Variants in FAM120B observed in about 807,000 individuals in gnomAD.
FAM120B encodes the protein constitutive coactivator of peroxisome proliferator-activated receptor gamma.
In FAM120B, 83 loss-of-function variants were observed where a neutral mutation model predicts 96.3. The observed-to-expected ratio is 0.86, with a 90% confidence interval of 0.72 to 1.03. FAM120B has a LOEUF of 1.03. FAM120B is among the 50% of genes least tolerant of loss of function. The probability of loss-of-function intolerance (pLI) is 0.00; values close to 1 mark genes in which losing one functional copy is unlikely to be tolerated. For missense variants in FAM120B, 1,027 were observed against 1,121.2 expected (o/e 0.92, Z 1.20); for synonymous variants, 407 against 402.7 (o/e 1.01, Z -0.13).
chr6:170,342,607 C>A (rs1786909498), intron 4 of FAM120B, among the ~76,000 whole-genome samples: 1 of 152,212 alleles, frequency 6.6e-6, no homozygotes, highest in Non-Finnish European at 1.5e-5. Context: ...GCCTTCAGAG[C>A]TTCCCACCAT....
intron 7 of FAM120B, 122 bp from the exon 8 acceptor site, chr6:170,390,891 A>G (rs886126998): frequency 1.4e-5 from 11 of 759,226 alleles, no homozygotes; most frequent in Non-Finnish European, 2.3e-5. Context: ...TGCAGCCACC[A>G]TTGCTGCCTC....
At chr6:170,295,262 A>T (rs1783969474), upstream of FAM120B, 7 of 619,980 alleles carry the variant, frequency 1.1e-5, no homozygotes, top group Non-Finnish European at 2.1e-5. The surrounding 1 kb of genome is among the most constrained non-coding windows in gnomAD (Gnocchi z 7.8). Context: ...ACACACACTC[A>T]CTGGGCCATG....
intron 6 of FAM120B, among the ~76,000 whole-genome samples, chr6:170,362,708 G>A (rs951352267): frequency 2.7e-5 from 4 of 149,238 alleles, no homozygotes; most frequent in African/African-American, 5.0e-5. Context: ...TTGAGACAAG[G>A]TCTGGCTCTG....
At chr6:170,387,300 T>A (rs1207014184) in intron 6 of FAM120B, among the ~76,000 whole-genome samples, 1 of 152,252 alleles carries the variant, frequency 6.6e-6, no homozygotes, top group Non-Finnish European at 1.5e-5. Flanking sequence ...TTCTTCTATT[T>A]TAGTAAGTGA....
intron 9 of FAM120B, among the ~76,000 whole-genome samples, chr6:170,397,378 G>C (rs369250092): frequency 7.0e-4 from 107 of 152,244 alleles, no homozygotes; most frequent in African/African-American, 2.4e-3. Context: ...TTAAGCAAAG[G>C]CCTGATGAGA....
At chr6:170,301,370 G>T (rs879517818) in intron 1 of FAM120B, among the ~76,000 whole-genome samples, 11 of 152,248 alleles carry the variant, frequency 7.2e-5, no homozygotes, top group Non-Finnish European at 1.6e-4. Context: ...GAAAGGGGGG[G>T]CCTGGGCCTT....
chr6:170,344,040 G>A (rs1431925460), intron 4 of FAM120B, among the ~76,000 whole-genome samples: 1 of 147,338 alleles, frequency 6.8e-6, no homozygotes, highest in Non-Finnish European at 1.5e-5. Context: ...TGCGGTGCTA[G>A]CCTCTCACTG....
intron 5 of FAM120B, among the ~76,000 whole-genome samples, chr6:170,354,608 G>T (rs940529811): frequency 2.0e-5 from 3 of 152,118 alleles, no homozygotes; most frequent in African/African-American, 7.2e-5. Context: ...GTGGGCAAAA[G>T]ACATGAACAG....
intron 6 of FAM120B, among the ~76,000 whole-genome samples, chr6:170,361,094 G>A (rs1161055144): frequency 6.6e-6 from 1 of 151,542 alleles, no homozygotes; most frequent in Non-Finnish European, 1.5e-5. Context: ...CTGGCAGTGG[G>A]TAAGTCACTG....
At chr6:170,326,023 A>G (rs1324250071) in intron 3 of FAM120B, among the ~76,000 whole-genome samples, 4 of 152,098 alleles carry the variant, frequency 2.6e-5, no homozygotes, top group Non-Finnish European at 4.4e-5. Context: ...ATTCTCCCCA[A>G]CATTTTTGCT....
intron 8 of FAM120B, among the ~76,000 whole-genome samples, chr6:170,391,555 A>G (rs963177548): frequency 3.9e-5 from 6 of 152,034 alleles, no homozygotes; most frequent in African/African-American, 1.4e-4. Flanking sequence ...AAGTATTAAA[A>G]TCTCTACCCA....
chr6:170,361,352 T>C (rs1280397257), intron 6 of FAM120B, among the ~76,000 whole-genome samples: 1 of 151,206 alleles, frequency 6.6e-6, no homozygotes, highest in Non-Finnish European at 1.5e-5. Flanking sequence ...CACATTCATT[T>C]ACCTACATAG....
At chr6:170,361,182 C>CTATATATA (rs564683415) in intron 6 of FAM120B, among the ~76,000 whole-genome samples, 81 of 75,478 alleles carry the variant, frequency 1.1e-3, no homozygotes, top group African/African-American at 4.0e-3. Context: ...AGCCTTAAAA[C>CTATATATA]TATATATATA....
At chr6:170,320,003 G>A (rs970762849) in intron 2 of FAM120B, among the ~76,000 whole-genome samples, 1 of 152,230 alleles carries the variant, frequency 6.6e-6, no homozygotes, top group African/African-American at 2.4e-5. Context: ...TGTGCTAGGT[G>A]CATTAGGTAA....
chr6:170,383,737 T>TA lies in FAM120B; in HGVS notation c.2284-4544dup, dbSNP rs539469787. 7.4e-4 allele frequency among the ~76,000 whole-genome samples: 112 copies of TA among 152,298 alleles called. 1 individual carries two copies. Among genetic ancestry groups the TA allele is most frequent in the Admixed American group, 1.8e-3 (28 of 15,300 alleles). On this transcript the variant is annotated intron_variant, in intron 6 of 10. Coordinates refer to ENST00000476287, the MANE Select transcript of FAM120B (RefSeq NM_032448.3). ...TCTGGAAAACAGTTTGGCCGTTTCT[T>TA]AAAAAACTAATAATGCACTTACCAT...
chr6:170,404,963 G>C lies in FAM120B; in HGVS notation c.*212G>C, dbSNP rs1240427684. On this transcript the variant is annotated 3_prime_UTR_variant, in exon 11 of 11. Coordinates refer to ENST00000476287, the MANE Select transcript of FAM120B (RefSeq NM_032448.3). ...TGGCTTCTCTCCCGAGCTTGTGCCT[G>C]ATTCTGTGGCCCAAAACAATCATTG... 1 of 228,078 alleles carries C rather than the reference G, an allele frequency of 4.4e-6. No homozygotes were observed. The highest frequency in any genetic ancestry group is 2.3e-5 in the African/African-American group (1 of 44,156). 14.1% of individuals were successfully genotyped at this position (228,078 alleles called of 1,614,324 possible).
intron 4 of FAM120B, among the ~76,000 whole-genome samples, chr6:170,342,478 C>T (rs535441978): frequency 2.0e-5 from 3 of 152,350 alleles, no homozygotes; most frequent in Non-Finnish European, 4.4e-5. Context: ...CATGGCTTAG[C>T]GTCCAGCATG....
intron 8 of FAM120B, among the ~76,000 whole-genome samples, chr6:170,393,238 C>G (rs1454702947): frequency 6.6e-6 from 1 of 151,576 alleles, no homozygotes; most frequent in African/African-American, 2.4e-5. Flanking sequence ...GAAGCCATGA[C>G]AAGCGGCTGA....
At chr6:170,366,256 A>G (rs887645076) in intron 6 of FAM120B, among the ~76,000 whole-genome samples, 1 of 152,194 alleles carries the variant, frequency 6.6e-6, no homozygotes, top group African/African-American at 2.4e-5. Flanking sequence ...TATCCTGGTG[A>G]GACGAGAGCT....
Sources: allele counts gnomAD v4.1 joint callset (sites outside exome capture counted in the v4.1 genomes callset), GRCh38; gene constraint gnomAD v4.1.1; non-coding constraint Gnocchi (gnomAD v3.1); transcripts MANE v1.5; gene names NCBI Gene and HGNC (gene_info 2026-07-23, HGNC 2026-07-21).